LDLRAD4: variants seen among roughly 807,000 people sequenced by gnomAD.
LDLRAD4 encodes the protein low density lipoprotein receptor class A domain containing 4, also known as low-density lipoprotein receptor class A domain-containing protein 4.
In LDLRAD4, 5 loss-of-function variants were observed where a neutral mutation model predicts 17.0. The observed-to-expected ratio is 0.29, with a 90% CI of 0.15 to 0.62. LDLRAD4 has a LOEUF of 0.62. Ranked by LOEUF, LDLRAD4 falls within the 20% of genes least tolerant of loss-of-function variation. LDLRAD4 has a pLI of 0.84. For synonymous variants in LDLRAD4, 168 were observed against 171.8 expected, an observed-to-expected ratio of 0.98 and a Z score of 0.17; for missense variants, 340 against 424.7, an observed-to-expected ratio of 0.80 and a Z score of 1.75.
At chr18:13,466,115 C>A (rs2092607739) in intron 3 of LDLRAD4, among the ~76,000 whole-genome samples, 1 of 152,114 alleles carries the variant, frequency 6.6e-6, no homozygotes, top group African/African-American at 2.4e-5. Context: ...GCATAATTTT[C>A]ATATAGTAAC....
chr18:13,395,066 C>T (rs1426739274), intron 2 of LDLRAD4, among the ~76,000 whole-genome samples: 2 of 152,146 alleles, frequency 1.3e-5, no homozygotes, highest in African/African-American at 4.8e-5. Context: ...GGAGGAGCAG[C>T]CTGCCCCGGT....
intron 1 of LDLRAD4, among the ~76,000 whole-genome samples, chr18:13,272,610 C>T (rs1026273609): frequency 2.0e-5 from 3 of 152,242 alleles, no homozygotes; most frequent in South Asian, 2.1e-4. Flanking sequence ...ATGTGTTCCT[C>T]GAATCTGAAA....
intron 2 of LDLRAD4, among the ~76,000 whole-genome samples, chr18:13,399,036 C>T (rs1452204913): frequency 6.6e-6 from 1 of 152,066 alleles, no homozygotes; most frequent in Non-Finnish European, 1.5e-5. Flanking sequence ...CCCAGGAGTT[C>T]CTGTCCAGTC....
chr18:13,483,359 C>G (rs549396264), intron 3 of LDLRAD4, among the ~76,000 whole-genome samples: 365 of 152,352 alleles, frequency 2.4e-3, no homozygotes, highest in Non-Finnish European at 3.7e-3. Flanking sequence ...AAGCTCCCAT[C>G]TCCAAGTCTA....
chr18:13,541,315 T>C (rs2094279743), intron 3 of LDLRAD4, among the ~76,000 whole-genome samples: 1 of 152,228 alleles, frequency 6.6e-6, no homozygotes, highest in African/African-American at 2.4e-5. Context: ...ACTGAAAACT[T>C]GGACTGACAT....
intron 1 of LDLRAD4, among the ~76,000 whole-genome samples, chr18:13,334,706 T>C (rs533992476): frequency 1.3e-5 from 2 of 152,360 alleles, no homozygotes; most frequent in African/African-American, 4.8e-5. Context: ...TCTTGTCTTA[T>C]TGCACTTGCT....
At chr18:13,453,043 C>T (rs912660216) in intron 3 of LDLRAD4, among the ~76,000 whole-genome samples, 2 of 152,130 alleles carry the variant, frequency 1.3e-5, no homozygotes. Flanking sequence ...TGGGGAGCAC[C>T]GCAGGGGTGC....
intron 2 of LDLRAD4, among the ~76,000 whole-genome samples, chr18:13,410,004 C>T (rs903152279): frequency 2.0e-5 from 3 of 152,358 alleles, no homozygotes; most frequent in Admixed American, 2.0e-4. Flanking sequence ...GCACGACGCA[C>T]TGAGTGGGCA....
intron 1 of LDLRAD4, among the ~76,000 whole-genome samples, chr18:13,318,349 C>A (rs925577001): frequency 1.1e-4 from 17 of 152,118 alleles, no homozygotes; most frequent in African/African-American, 3.6e-4. Context: ...GCAACCTCCG[C>A]CTCCCGAGTT....
At chr18:13,624,549 C>T (rs899828167) in intron 4 of LDLRAD4, among the ~76,000 whole-genome samples, 1 of 152,194 alleles carries the variant, frequency 6.6e-6, no homozygotes, top group Non-Finnish European at 1.5e-5. Flanking sequence ...TCTGGCTGGC[C>T]GATTGTGCCT....
intron 3 of LDLRAD4, among the ~76,000 whole-genome samples, chr18:13,523,780 G>A (rs988671415): frequency 1.3e-5 from 2 of 152,174 alleles, no homozygotes; most frequent in African/African-American, 4.8e-5. Context: ...GATTTGGACC[G>A]ACCCCAGTGG....
At chr18:13,571,446 C>G (rs1311381614) in intron 3 of LDLRAD4, among the ~76,000 whole-genome samples, 2 of 152,294 alleles carry the variant, frequency 1.3e-5, no homozygotes, top group Admixed American at 1.3e-4. Context: ...AGCAAGCACT[C>G]TTCCATGCCA....
intron 3 of LDLRAD4, among the ~76,000 whole-genome samples, chr18:13,504,339 A>G (rs2093657862): frequency 6.6e-6 from 1 of 152,274 alleles, no homozygotes; most frequent in African/African-American, 2.4e-5. Flanking sequence ...CTTTTAAGAC[A>G]AGTGTCCACG....
chr18:13,390,129 C>G (rs1207334905), intron 2 of LDLRAD4, among the ~76,000 whole-genome samples: 1 of 152,208 alleles, frequency 6.6e-6, no homozygotes, highest in Non-Finnish European at 1.5e-5. Flanking sequence ...TTTCTTTGTG[C>G]TGAGAATACT....
At chr18:13,569,826 A>G (rs2094660546) in intron 3 of LDLRAD4, among the ~76,000 whole-genome samples, 1 of 152,250 alleles carries the variant, frequency 6.6e-6, no homozygotes, top group African/African-American at 2.4e-5. Context: ...CAGAGGTTGC[A>G]GTGAGCCAAT....
At chr18:13,533,497 G>T (rs2094158315) in intron 3 of LDLRAD4, among the ~76,000 whole-genome samples, 1 of 152,068 alleles carries the variant, frequency 6.6e-6, no homozygotes, top group South Asian at 2.1e-4. Context: ...CATATTCTTT[G>T]CATTAACCGT....
chr18:13,221,159 T>C (rs1412064609), intron 1 of LDLRAD4, among the ~76,000 whole-genome samples: 2 of 152,180 alleles, frequency 1.3e-5, no homozygotes, highest in Non-Finnish European at 2.9e-5. Context: ...TGATAAAACA[T>C]TGTAAAAGAA....
chr18:13,594,777 A>G (rs2095074713), intron 3 of LDLRAD4, among the ~76,000 whole-genome samples: 1 of 151,928 alleles, frequency 6.6e-6, no homozygotes, highest in South Asian at 2.1e-4. Flanking sequence ...TCTTCTCCAA[A>G]AAGAAGTTGT....
chr18:13,279,646 T>C (rs2045127318), intron 1 of LDLRAD4: 1 of 152,260 alleles, frequency 6.6e-6, no homozygotes, highest in Non-Finnish European at 1.5e-5. Flanking sequence ...CACTCATCAA[T>C]TAGTTTAAGC....
Sources: gnomAD v4.1 joint callset for allele counts (sites outside exome capture counted in the v4.1 genomes callset) on GRCh38, gnomAD v4.1.1 for gene constraint, MANE v1.5 for transcripts, NCBI Gene and HGNC (gene_info 2026-07-23, HGNC 2026-07-21) for gene names.